Variants in PIK3C2G observed in about 807,000 individuals in gnomAD.
PIK3C2G encodes the protein phosphatidylinositol-4-phosphate 3-kinase catalytic subunit type 2 gamma.
Under a neutral mutation model 181.1 loss-of-function variants are expected in PIK3C2G, and 168 were observed. The observed-to-expected ratio is 0.93, with a 90% CI of 0.82 to 1.05. The LOEUF is 1.05. Among genes scored for constraint, PIK3C2G ranks in the 50% least tolerant of loss-of-function variants. The probability of loss-of-function intolerance (pLI) is 0.00; values close to 1 mark genes in which losing one functional copy is unlikely to be tolerated. For missense variants in PIK3C2G, 1,869 were observed against 1,732.8 expected, an observed-to-expected ratio of 1.08 and a Z score of -1.40; for synonymous variants, 573 against 592.2, an observed-to-expected ratio of 0.97 and a Z score of 0.47.
chr12:18,419,846 A>G lies in PIK3C2G; in HGVS notation c.2316-1095A>G, dbSNP rs146313054. Among the ~76,000 whole-genome samples the G allele has an allele frequency of 7.0e-3, 1,068 of 152,242 alleles. 6 individuals are homozygous for G. The highest frequency in any genetic ancestry group is 0.019 in the African/African-American group (781 of 41,562). On this transcript the variant is annotated intron_variant, in intron 16 of 32. Transcript: ENST00000538779. ...AAGGACAATTGAGTTATGTGATACC[A>G]CTGTTTACTTGACTCGATGGCGGCA... is the stretch of plus-strand genomic sequence containing the variant.
chr12:18,566,923 G>A (rs1393033380), intron 28 of PIK3C2G, 26 bp from the exon 29 acceptor site: 2 of 1,202,808 alleles, frequency 1.7e-6, no homozygotes, highest in Non-Finnish European at 2.5e-6. Flanking sequence ...AACTAATGAA[G>A]ATAACTTTTT....
intron 19 of PIK3C2G, among the ~76,000 whole-genome samples, chr12:18,490,336 T>C (rs761344406): frequency 5.3e-5 from 8 of 152,138 alleles, no homozygotes; most frequent in Non-Finnish European, 1.2e-4. Context: ...GAGAGCTGAG[T>C]GAACATTATT....
rs1949793037 is a variant in PIK3C2G, at chr12:18,640,543, T to G, written c.4297T>G (p.Tyr1433Asp). 6.3e-7 allele frequency: 1 copy of G among 1,597,114 alleles called. No individual in the cohort carries two copies. ...KSVPKCTDPT[Y>D]NEIVVYDEVT... ...TGTTCCAAAATGTACGGACCCCACT[T>G]ACAATGAAATTGTAAGTATAAGTCA... Residue 1433 changes from tyrosine (Y) to aspartate (D), a missense_variant, in exon 32 of 33, where the codon TAC (tyrosine) becomes GAC (aspartate). Coordinates refer to ENST00000538779, the MANE Select transcript of PIK3C2G (RefSeq NM_001288772.2).
intron 11 of PIK3C2G, chr12:18,358,584 T>C: frequency 2.3e-6 from 1 of 428,796 alleles, no homozygotes; most frequent in Non-Finnish European, 4.6e-6. Flanking sequence ...GGAAAAGAAC[T>C]TAACCCAGTT....
chr12:18,462,804 A>G (rs1415415251), intron 18 of PIK3C2G, among the ~76,000 whole-genome samples: 1 of 152,146 alleles, frequency 6.6e-6, no homozygotes, highest in Non-Finnish European at 1.5e-5. Flanking sequence ...CCTCATTTCA[A>G]CACATAATAT....
Position 18,459,811 on chromosome 12 carries a change from G to C in PIK3C2G, c.2505-28638G>C, listed in dbSNP as rs180872638. ...GAGTCTAGCTGTGTCATCCAAACTG[G>C]AGTGCAGTGGCCCAATCTCGGCTCA... On this transcript the variant is annotated intron_variant, in intron 18 of 32. Coordinates refer to ENST00000538779, the MANE Select transcript of PIK3C2G (RefSeq NM_001288772.2). Among the ~76,000 whole-genome samples, 141 of 152,278 alleles carry C rather than the reference G, an allele frequency of 9.3e-4. 2 individuals carry two copies. The highest frequency in any genetic ancestry group is 7.0e-3 in the Admixed American group (107 of 15,290).
At chr12:18,632,249 G>A (rs1452082045) in intron 31 of PIK3C2G, among the ~76,000 whole-genome samples, 1 of 152,106 alleles carries the variant, frequency 6.6e-6, no homozygotes, top group African/African-American at 2.4e-5. Flanking sequence ...GTATATTCAT[G>A]TTTAATTCCT....
At chr12:18,708,976 T>G in the PIK3C2G span, among the ~76,000 whole-genome samples, 2 of 152,246 alleles carry the variant, frequency 1.3e-5, no homozygotes, top group Admixed American at 6.5e-5. Context: ...TTGATTTTGT[T>G]GGTTGATTGT....
At chr12:18,474,163 T>C (rs1308362481) in intron 18 of PIK3C2G, among the ~76,000 whole-genome samples, 1 of 152,138 alleles carries the variant, frequency 6.6e-6, no homozygotes. Context: ...ATCATTTAAT[T>C]ATCACAGCAA....
intron 29 of PIK3C2G, among the ~76,000 whole-genome samples, chr12:18,567,919 T>G (rs1328833860): frequency 6.6e-6 from 1 of 152,166 alleles, no homozygotes; most frequent in African/African-American, 2.4e-5. Context: ...TGGAATCTTT[T>G]CAATTTCTAG....
At chr12:18,697,059 C>T in the PIK3C2G span, among the ~76,000 whole-genome samples, 1 of 152,074 alleles carries the variant, frequency 6.6e-6, no homozygotes, top group Non-Finnish European at 1.5e-5. Context: ...TACCATTTGG[C>T]ACCTTCTTCA....
At chr12:18,664,566 C>T in the PIK3C2G span, among the ~76,000 whole-genome samples, 257 of 152,148 alleles carry the variant, frequency 1.7e-3, no homozygotes, top group African/African-American at 5.9e-3. Context: ...TTAAAGTGTT[C>T]AAAATCATGG....
At chr12:18,331,015 GT>G (rs1937899682) in intron 8 of PIK3C2G, among the ~76,000 whole-genome samples, 1 of 152,036 alleles carries the variant, frequency 6.6e-6, no homozygotes, top group Non-Finnish European at 1.5e-5. Flanking sequence ...ACTATTTTTA[GT>G]TTTAGCTGTT....
chr12:18,653,376 T>C (rs532603780), downstream of PIK3C2G, among the ~76,000 whole-genome samples: 2 of 152,190 alleles, frequency 1.3e-5, no homozygotes, highest in Non-Finnish European at 2.9e-5. Flanking sequence ...CAAATTTATG[T>C]ATATATTATT....
chr12:18,477,617 C>T (rs1438401253), intron 18 of PIK3C2G, among the ~76,000 whole-genome samples: 1 of 152,158 alleles, frequency 6.6e-6, no homozygotes, highest in Admixed American at 6.6e-5. Flanking sequence ...TCCCAGCCAA[C>T]TTTAGGGGAC....
chr12:18,396,878 C>G (rs1454416938), intron 15 of PIK3C2G, among the ~76,000 whole-genome samples: 2 of 151,618 alleles, frequency 1.3e-5, no homozygotes, highest in African/African-American at 4.8e-5. Context: ...AAAATATAAT[C>G]CCAATGAAAA....
chr12:18,699,769 A>G, the PIK3C2G span: 2 of 1,598,150 alleles, frequency 1.3e-6, no homozygotes, highest in Non-Finnish European at 1.7e-6. Context: ...TAAACATTTC[A>G]TCTATTTGAG....
intron 31 of PIK3C2G, among the ~76,000 whole-genome samples, chr12:18,630,428 A>G (rs1949301209): frequency 6.6e-6 from 1 of 152,062 alleles, no homozygotes; most frequent in Non-Finnish European, 1.5e-5. Context: ...CAACAAAAGA[A>G]TAAGATGAAA....
intron 31 of PIK3C2G, among the ~76,000 whole-genome samples, chr12:18,612,546 CA>C (rs553866317): frequency 7.2e-4 from 109 of 152,186 alleles, no homozygotes; most frequent in Non-Finnish European, 1.4e-3. Flanking sequence ...ATCATCACAG[CA>C]AAGTTATGCA....
Sources: gnomAD v4.1 joint callset for allele counts (sites outside exome capture counted in the v4.1 genomes callset) on GRCh38, gnomAD v4.1.1 for gene constraint, MANE v1.5 for transcripts, NCBI Gene and HGNC (gene_info 2026-07-23, HGNC 2026-07-21) for gene names.